HHAT: variants seen among roughly 807,000 people sequenced by gnomAD.
HHAT encodes hedgehog acyltransferase.
HHAT carries 47 observed loss-of-function variants against 70.8 expected under a neutral mutation model. That is an observed-to-expected ratio of 0.66 (90% CI 0.53 to 0.85). The LOEUF (loss-of-function observed/expected upper bound fraction) is 0.85, where lower values mean the gene tolerates loss of function less well. Among genes scored for constraint, HHAT ranks in the 40% least tolerant of loss-of-function variants. The pLI is 0.00. For missense variants in HHAT, 609 were observed against 604.8 expected, an observed-to-expected ratio of 1.01 and a Z score of -0.07; for synonymous variants, 228 against 247.6, an observed-to-expected ratio of 0.92 and a Z score of 0.74.
chr1:210,628,098 A>C (rs531147364), intron 11 of HHAT, among the ~76,000 whole-genome samples: 5 of 152,194 alleles, frequency 3.3e-5, no homozygotes, highest in Admixed American at 1.3e-4. Flanking sequence ...CAGACCAGCA[A>C]GGCCAGTCCC....
intron 11 of HHAT, among the ~76,000 whole-genome samples, chr1:210,629,570 G>A (rs1020560090): frequency 6.6e-6 from 1 of 152,136 alleles, no homozygotes; most frequent in Non-Finnish European, 1.5e-5. Context: ...TTACAGTTCC[G>A]AGGACCAGAA....
chr1:210,535,445 GTGTGTGTGT>G (rs2095361276), intron 9 of HHAT, among the ~76,000 whole-genome samples: 1 of 151,570 alleles, frequency 6.6e-6, no homozygotes, highest in South Asian at 2.1e-4. Context: ...GTGTGTGTGT[GTGTGTGTGT>G]GGGGTAAAAT....
intron 9 of HHAT, among the ~76,000 whole-genome samples, chr1:210,531,259 T>C (rs2095311926): frequency 6.6e-6 from 1 of 151,016 alleles, no homozygotes; most frequent in Non-Finnish European, 1.5e-5. Context: ...ACTGAATCAT[T>C]ATGTAATGCA....
At chr1:210,591,424 A>G (rs555685185) in intron 10 of HHAT, among the ~76,000 whole-genome samples, 2 of 152,214 alleles carry the variant, frequency 1.3e-5, no homozygotes, top group South Asian at 2.1e-4. Context: ...GTGTATATGT[A>G]CCACATTGTC....
At chr1:210,500,344 T>C (rs1321821919) in intron 8 of HHAT, among the ~76,000 whole-genome samples, 1 of 152,234 alleles carries the variant, frequency 6.6e-6, no homozygotes, top group Admixed American at 6.5e-5. Context: ...GCTTTTAAGA[T>C]TGTATTAATA....
At chr1:210,407,466 A>G (rs183785181) in intron 6 of HHAT, among the ~76,000 whole-genome samples, 1 of 152,350 alleles carries the variant, frequency 6.6e-6, no homozygotes, top group East Asian at 1.9e-4. Context: ...AGTATCTGCA[A>G]ACTCCAAAAG....
chr1:210,545,618 G>A (rs1039268004), intron 9 of HHAT, among the ~76,000 whole-genome samples: 4 of 151,776 alleles, frequency 2.6e-5, no homozygotes, highest in Non-Finnish European at 2.9e-5. Context: ...TGTATTTTTT[G>A]TAGAGATGGG....
chr1:210,342,085 CTTCTGGACTA>C lies in HHAT; in HGVS notation c.-43-6845_-43-6836del, dbSNP rs1453146919. Among the ~76,000 whole-genome samples, 4 of 152,158 alleles carry C rather than the reference CTTCTGGACTA, an allele frequency of 2.6e-5. No individual in the cohort carries two copies. The East Asian group carries it at 5.8e-4, about 22-fold the overall frequency. On this transcript the variant is annotated intron_variant, in intron 1 of 11. Transcript: ENST00000261458. ...TCTTCCTCTTTTTTCCCCCTACCAG[CTTCTGGACTA>C]TTTTGATGCCAAGGACAACTCAATT...
At chr1:210,374,148 C>G (rs891613044) in intron 3 of HHAT, 1 of 152,110 alleles carries the variant, frequency 6.6e-6, no homozygotes, top group Non-Finnish European at 1.5e-5. Context: ...TTTTATAAAA[C>G]ATGATCTGCC....
At chr1:210,567,238 C>A (rs1654988551) in intron 9 of HHAT, among the ~76,000 whole-genome samples, 1 of 152,222 alleles carries the variant, frequency 6.6e-6, no homozygotes, top group Non-Finnish European at 1.5e-5. Flanking sequence ...GTGTAGCTTT[C>A]TTACTCTTAG....
At chr1:210,520,323 C>G (rs2095136435) in intron 9 of HHAT, among the ~76,000 whole-genome samples, 1 of 152,268 alleles carries the variant, frequency 6.6e-6, no homozygotes, top group South Asian at 2.1e-4. Flanking sequence ...CCCATTCTGT[C>G]TTTTAATTGG....
chr1:210,357,043 C>T (rs919535653), intron 2 of HHAT, among the ~76,000 whole-genome samples: 7 of 152,368 alleles, frequency 4.6e-5, no homozygotes, highest in Admixed American at 2.0e-4. Flanking sequence ...ACCAAGGCTC[C>T]AAACATTCTG....
At chr1:210,430,023 G>A (rs549522586) in intron 7 of HHAT, among the ~76,000 whole-genome samples, 2 of 152,004 alleles carry the variant, frequency 1.3e-5, no homozygotes, top group South Asian at 4.1e-4. Context: ...CAGGGCAAAT[G>A]TGTAATCGTT....
intron 8 of HHAT, among the ~76,000 whole-genome samples, chr1:210,506,289 G>A (rs559409812): frequency 1.4e-4 from 22 of 152,066 alleles, no homozygotes; most frequent in African/African-American, 5.3e-4. Flanking sequence ...GACAGGAGCT[G>A]CTGCTGTGGG....
intron 3 of HHAT, among the ~76,000 whole-genome samples, chr1:210,376,103 G>T (rs2090193258): frequency 6.9e-6 from 1 of 145,672 alleles, no homozygotes; most frequent in Non-Finnish European, 1.5e-5. Flanking sequence ...GGCCTCAAGT[G>T]ATCCACCTGC....
chr1:210,351,362 C>T (rs1470200756), intron 2 of HHAT, among the ~76,000 whole-genome samples: 1 of 152,226 alleles, frequency 6.6e-6, no homozygotes, highest in Non-Finnish European at 1.5e-5. Context: ...TCAAGAAACA[C>T]CCTCACAGAC....
intron 9 of HHAT, among the ~76,000 whole-genome samples, chr1:210,546,917 G>T (rs185113427): frequency 6.5e-4 from 99 of 152,278 alleles, no homozygotes; most frequent in South Asian, 1.9e-3. Flanking sequence ...GGGGTTTTTG[G>T]TCGGGTGAAG....
intron 8 of HHAT, among the ~76,000 whole-genome samples, chr1:210,475,205 C>T (rs2094286029): frequency 6.6e-6 from 1 of 152,034 alleles, no homozygotes; most frequent in Non-Finnish European, 1.5e-5. Flanking sequence ...GAGTCCTGGC[C>T]AGGCCCTGGC....
intron 7 of HHAT, among the ~76,000 whole-genome samples, chr1:210,446,766 G>A (rs1216602807): frequency 1.3e-5 from 2 of 152,206 alleles, no homozygotes; most frequent in Admixed American, 6.5e-5. Flanking sequence ...CTGCTTAAAT[G>A]TCATTGCCCC....
Sources: allele counts gnomAD v4.1 joint callset (sites outside exome capture counted in the v4.1 genomes callset), GRCh38; gene constraint gnomAD v4.1.1; transcripts MANE v1.5; gene names NCBI Gene and HGNC (gene_info 2026-07-23, HGNC 2026-07-21).